GRM7: variants seen among roughly 807,000 people sequenced by gnomAD.
GRM7 encodes the protein glutamate metabotropic receptor 7.
A neutral mutation model predicts 84.5 loss-of-function variants in GRM7; 35 were observed. The ratio of observed to expected loss-of-function variants is 0.41; its 90% CI spans 0.32 to 0.55. The LOEUF (loss-of-function observed/expected upper bound fraction) is 0.55. GRM7 is among the 20% of genes least tolerant of loss of function. The pLI is 0.19. For synonymous variants in GRM7, 487 were observed against 455.1 expected (o/e 1.07, Z -0.89); for missense variants, 1,003 against 1,194.6 (o/e 0.84, Z 2.36).
chr3:6,943,646 T>C (rs899261494), intron 1 of GRM7, among the ~76,000 whole-genome samples: 5 of 152,186 alleles, frequency 3.3e-5, no homozygotes, highest in Admixed American at 2.6e-4. Flanking sequence ...AGCTTTGTTC[T>C]TTAAGGTTAT....
intron 1 of GRM7, among the ~76,000 whole-genome samples, chr3:7,089,697 T>G (rs1437392408): frequency 6.6e-6 from 1 of 152,216 alleles, no homozygotes; most frequent in Non-Finnish European, 1.5e-5. Context: ...CTACAATCTT[T>G]GACAACCTTA....
At chr3:6,899,767 C>T (rs1487609036) in intron 1 of GRM7, among the ~76,000 whole-genome samples, 1 of 152,060 alleles carries the variant, frequency 6.6e-6, no homozygotes, top group African/African-American at 2.4e-5. Context: ...GTTTCATTGA[C>T]CAAACTAAGA....
intron 7 of GRM7, among the ~76,000 whole-genome samples, chr3:7,472,397 T>G (rs956724645): frequency 6.6e-6 from 1 of 152,234 alleles, no homozygotes; most frequent in Admixed American, 6.5e-5. Context: ...TGGTCTGTAA[T>G]TGAGCTAGTC....
At chr3:7,567,772 A>C (rs919610622) in intron 7 of GRM7, among the ~76,000 whole-genome samples, 1 of 137,200 alleles carries the variant, frequency 7.3e-6, no homozygotes, top group Non-Finnish European at 1.6e-5. Flanking sequence ...AAAAAAAAAA[A>C]AAAAAAAAAA....
chr3:7,038,864 A>C (rs558551846), intron 1 of GRM7, among the ~76,000 whole-genome samples: 2 of 152,184 alleles, frequency 1.3e-5, no homozygotes, highest in South Asian at 4.1e-4. Flanking sequence ...CCTTTTTTTA[A>C]AAAATTATAA....
At chr3:7,739,279 A>AAACT (rs1702610819) in intron 9 of GRM7, among the ~76,000 whole-genome samples, 1 of 152,310 alleles carries the variant, frequency 6.6e-6, no homozygotes, top group East Asian at 1.9e-4. Context: ...GTTTAAATAC[A>AAACT]AACTCTCAGT....
At chr3:7,038,580 C>T (rs17046670) in intron 1 of GRM7, among the ~76,000 whole-genome samples, 20,095 of 152,060 alleles carry the variant, frequency 0.13, 4,555 homozygotes, top group African/African-American at 0.46. Context: ...CTTGGATACA[C>T]TTTCCAAAAG....
chr3:7,193,114 A>C (rs536105463), intron 2 of GRM7, among the ~76,000 whole-genome samples: 27 of 152,166 alleles, frequency 1.8e-4, no homozygotes, highest in Admixed American at 1.4e-3. Flanking sequence ...CATAATTCCT[A>C]TACCAGTACC....
intron 1 of GRM7, among the ~76,000 whole-genome samples, chr3:6,914,619 T>G (rs1696880960): frequency 6.6e-6 from 1 of 152,110 alleles, no homozygotes; most frequent in Non-Finnish European, 1.5e-5. Flanking sequence ...GTCAGGCTGG[T>G]CTCAAACTCC....
At chr3:7,682,305 C>T (rs1197578313) in intron 9 of GRM7, 1 of 129,742 alleles carries the variant, frequency 7.7e-6, no homozygotes, top group African/African-American at 3.0e-5. Flanking sequence ...CATTGCACTC[C>T]AGCCTGGGCA....
rs545586021 is a variant in GRM7 at position 7,062,637 on chromosome 3, G to T, written c.520-83815G>T. Among the ~76,000 whole-genome samples the T allele has an allele frequency of 4.6e-5, 7 of 151,836 alleles. No individual in the cohort carries two copies. The East Asian group carries it at 1.2e-3, about 25-fold the overall frequency. On this transcript the variant is annotated intron_variant, in intron 1 of 9. Transcript: ENST00000357716. ...CATAATTTCACAGTGATAATGAGCA[G>T]TGGAAAATTCCATGTAAAAAGTTGA...
Position 6,918,321 on chromosome 3 carries a change from A to G in GRM7, c.519+56414A>G, listed in dbSNP as rs79616637. Among the ~76,000 whole-genome samples the G allele has an allele frequency of 4.0e-3, 610 of 152,322 alleles. 4 individuals carry two copies. The highest frequency in any genetic ancestry group is 0.014 in the African/African-American group (570 of 41,582). ...CGAGAATTTTTGCCTATCGCCTTGT[A>G]GGACGACATAGGGAATAAACTGTAT... On this transcript the variant is annotated intron_variant, in intron 1 of 9. Transcript: ENST00000357716.
At chr3:7,565,527 T>C (rs927493315) in intron 7 of GRM7, among the ~76,000 whole-genome samples, 4 of 152,222 alleles carry the variant, frequency 2.6e-5, no homozygotes, top group African/African-American at 7.2e-5. Context: ...TTATTTCATA[T>C]TGTGACATGA....
At position 7,354,154 on chromosome 3, in the gene GRM7, A is replaced by G. The variant is rs1222607113; in HGVS notation, c.1033+47502A>G. On this transcript the variant is annotated intron_variant, in intron 4 of 9. Coordinates refer to ENST00000357716, the MANE Select transcript of GRM7 (RefSeq NM_000844.4). ...AAGTTGTGCTGTCAATCCTCCTGCCATCGTTCCTCAAAGGGAAACCTTGCC... is the reference window on the plus strand; with the variant it reads ...AAGTTGTGCTGTCAATCCTCCTGCCGTCGTTCCTCAAAGGGAAACCTTGCC... 2.0e-5 allele frequency among the ~76,000 whole-genome samples: 3 copies of G among 152,172 alleles called. No individual in the cohort carries two copies. The East Asian group carries it at 5.8e-4, about 29-fold the overall frequency.
intron 2 of GRM7, among the ~76,000 whole-genome samples, chr3:7,182,207 AT>A (rs1273941850): frequency 6.6e-6 from 1 of 152,174 alleles, no homozygotes; most frequent in Non-Finnish European, 1.5e-5. Context: ...TTCCCTCAGA[AT>A]TTACTGATAA....
At chr3:6,867,040 G>C (rs910753315) in intron 1 of GRM7, among the ~76,000 whole-genome samples, 7 of 152,316 alleles carry the variant, frequency 4.6e-5, no homozygotes, top group Non-Finnish European at 8.8e-5. Flanking sequence ...CTGAGTGGTG[G>C]GAGAGAGGGG....
intron 2 of GRM7, among the ~76,000 whole-genome samples, chr3:7,203,378 A>C (rs1050033226): frequency 9.9e-5 from 15 of 152,216 alleles, no homozygotes; most frequent in Admixed American, 9.8e-4. Flanking sequence ...GTTGCTACAA[A>C]TGACATGTAT....
chr3:7,043,383 C>T (rs1232373368), intron 1 of GRM7, among the ~76,000 whole-genome samples: 1 of 152,180 alleles, frequency 6.6e-6, no homozygotes, highest in Non-Finnish European at 1.5e-5. Flanking sequence ...CTGGGCTCCA[C>T]CTGCATTTCC....
rs570424953 is a variant in GRM7, at chr3:7,160,895, T to C, written c.736+14227T>C. On this transcript the variant is annotated intron_variant, in intron 2 of 9. Coordinates refer to ENST00000357716, the MANE Select transcript of GRM7 (RefSeq NM_000844.4). ...CAAACTTGCTAAAGGTAGGTATTGT[T>C]TGTCTTGGACTTCGCTGCCAGTCCT... Among the ~76,000 whole-genome samples the C allele has an allele frequency of 1.4e-4, 21 of 152,250 alleles. No individual in the cohort carries two copies. The East Asian group carries it at 3.7e-3, about 27-fold the overall frequency.
Sources: allele counts gnomAD v4.1 joint callset (sites outside exome capture counted in the v4.1 genomes callset), GRCh38; gene constraint gnomAD v4.1.1; transcripts MANE v1.5; gene names NCBI Gene and HGNC (gene_info 2026-07-23, HGNC 2026-07-21).